Variants in SRPX observed in about 807,000 individuals in gnomAD.
The protein encoded by SRPX is sushi repeat-containing protein SRPX.
In SRPX, 24 loss-of-function variants were observed where a neutral mutation model predicts 38.1. That is an observed-to-expected ratio of 0.63 (90% CI 0.46 to 0.89). The LOEUF is 0.89. SRPX is among the 40% of genes least tolerant of loss of function. SRPX has a pLI of 0.00. For synonymous variants in SRPX, 184 were observed against 153.8 expected (o/e 1.20, Z -1.45); for missense variants, 416 against 377.8 (o/e 1.10, Z -0.84).
intron 9 of SRPX, among the ~76,000 whole-genome samples, chrX:38,154,219 A>G (rs1938082222): frequency 2.2e-5 from 2 of 92,937 alleles, no homozygotes; most frequent in African/African-American, 5.3e-5. Flanking sequence ...ACACATACAC[A>G]CACATGAAGC....
At chrX:38,213,777 G>A (rs1354042105) in intron 1 of SRPX, among the ~76,000 whole-genome samples, 13 of 112,155 alleles carry the variant, frequency 1.2e-4, no homozygotes, top group Non-Finnish European at 1.1e-4. Flanking sequence ...GGCAGAAGGC[G>A]AAGGAGAAGC....
At chrX:38,172,212 G>C (rs1257174014) in intron 3 of SRPX, among the ~76,000 whole-genome samples, 155 bp from the exon 4 acceptor site, 1 of 112,277 alleles carries the variant, frequency 8.9e-6, no homozygotes, top group African/African-American at 3.2e-5. Flanking sequence ...CCAGCACTTT[G>C]GGAGGTCGAG....
At chrX:38,167,257 C>A (rs770465073) in intron 4 of SRPX, among the ~76,000 whole-genome samples, 17 of 111,631 alleles carry the variant, frequency 1.5e-4, no homozygotes, top group Non-Finnish European at 3.0e-4. Context: ...TTTAATAAAC[C>A]AAACCCTTTT....
At chrX:38,218,570 A>G (rs1939456163) in intron 1 of SRPX, among the ~76,000 whole-genome samples, 1 of 112,500 alleles carries the variant, frequency 8.9e-6, no homozygotes, top group South Asian at 3.7e-4. Flanking sequence ...ACGTGCAGAT[A>G]GTTACATAAT....
intron 5 of SRPX, among the ~76,000 whole-genome samples, 175 bp downstream of exon 5, chrX:38,164,594 A>G (rs1938328391): frequency 8.9e-6 from 1 of 112,506 alleles, no homozygotes; most frequent in Non-Finnish European, 1.9e-5. Context: ...ACATATTATA[A>G]TAGAGACAGG....
In SRPX at chrX:38,202,090, G is replaced by A. The variant is rs545096889; in HGVS notation, c.97+18606C>T. On this transcript the variant is annotated intron_variant, in intron 1 of 9. Coordinates refer to ENST00000378533, the MANE Select transcript of SRPX (RefSeq NM_006307.5). ...TATAACCCTGTGGTGACAGTGGGCAGGAGTGACAGCAGTGGCGACTACAGC... is the reference window on the plus strand; with the variant it reads ...TATAACCCTGTGGTGACAGTGGGCAAGAGTGACAGCAGTGGCGACTACAGC... Among the ~76,000 whole-genome samples, 6 of 112,189 alleles carry A rather than the reference G, an allele frequency of 5.3e-5. No homozygotes were observed. The South Asian group carries it at 1.9e-3, about 35-fold the overall frequency.
intron 1 of SRPX, among the ~76,000 whole-genome samples, chrX:38,202,255 T>A (rs997459515): frequency 8.9e-6 from 1 of 111,744 alleles, no homozygotes; most frequent in African/African-American, 3.3e-5. Context: ...TCAATAAACT[T>A]TTTTTTTCAA....
Position 38,185,900 on chromosome X carries a change from G to T in SRPX, c.98-7556C>A, listed in dbSNP as rs895961289. Among the ~76,000 whole-genome samples, 24 of 97,633 alleles carry T rather than the reference G, an allele frequency of 2.5e-4. 1 individual carries two copies. Among genetic ancestry groups the T allele is most frequent in the South Asian group, 5.0e-4 (1 of 1,987 alleles). The allele number at this position is 97,633 out of a possible 115,157, so 84.8% of individuals were successfully genotyped here. A position where few individuals can be genotyped will look rare whatever the true frequency, so the allele number is the denominator to read the frequency against. Reference sequence around the variant, plus strand: ...CTATTTTTCTAAAAAAAAAAAAAAGGGGGGGGGGAGTGAGTATATTTTGCA... The same window carrying T: ...CTATTTTTCTAAAAAAAAAAAAAAGTGGGGGGGGAGTGAGTATATTTTGCA... On this transcript the variant is annotated intron_variant, in intron 1 of 9. Transcript: ENST00000378533.
chrX:38,197,891 A>T (rs1939026105), intron 1 of SRPX, among the ~76,000 whole-genome samples: 1 of 111,961 alleles, frequency 8.9e-6, no homozygotes, highest in South Asian at 3.7e-4. Context: ...AGTGTGAGGC[A>T]GGGTATTCTA....
chrX:38,174,005 A>G (rs1938524553), intron 3 of SRPX, among the ~76,000 whole-genome samples, 155 bp downstream of exon 3: 1 of 111,879 alleles, frequency 8.9e-6, no homozygotes, highest in African/African-American at 3.2e-5. Context: ...AGAGGAGCCA[A>G]CTCACTTCCA....
intron 2 of SRPX, among the ~76,000 whole-genome samples, chrX:38,177,969 T>C (rs1229911918): frequency 8.9e-6 from 1 of 112,124 alleles, no homozygotes; most frequent in Non-Finnish European, 1.9e-5. Flanking sequence ...ATTCTGGCTG[T>C]AATGTATGAA....
At chrX:38,211,870 T>C (rs758262192) in intron 1 of SRPX, among the ~76,000 whole-genome samples, 14 of 111,225 alleles carry the variant, frequency 1.3e-4, no homozygotes, top group Admixed American at 2.9e-4. Flanking sequence ...AGGGGCTGTG[T>C]GTTTTCCTGA....
intron 4 of SRPX, among the ~76,000 whole-genome samples, chrX:38,169,987 G>C (rs1785100447): frequency 8.9e-6 from 1 of 112,246 alleles, no homozygotes; most frequent in African/African-American, 3.2e-5. Context: ...TTACCCTCCT[G>C]CAATTTGCAG....
At chrX:38,185,002 A>G (rs1057334127) in intron 1 of SRPX, among the ~76,000 whole-genome samples, 2 of 112,292 alleles carry the variant, frequency 1.8e-5, no homozygotes, top group African/African-American at 6.5e-5. Flanking sequence ...ATTTAAATTT[A>G]CATTTAAATA....
In SRPX at chrX:38,171,932, C is replaced by G; in HGVS notation, c.475G>C (p.Val159Leu). ...CAGGCCTTGTTGTCCATACATGTGACGGTCCGCTCCCCTTTCAACGTGTAT... is the reference window on the plus strand; with the variant it reads ...CAGGCCTTGTTGTCCATACATGTGAGGGTCCGCTCCCCTTTCAACGTGTAT... ...PGYTLKGERT[V>L]TCMDNKAWSG... The change falls in exon 4 of 10, where the codon GTC (valine) becomes CTC (leucine). Residue 159 changes from valine (V) to leucine (L), a missense_variant. Physicochemically the swap from Val to Leu is conservative, Grantham distance 32. Transcript: ENST00000378533. The G allele has an allele frequency of 8.3e-7, 1 of 1,211,591 alleles. No homozygotes were observed. The highest frequency in any genetic ancestry group is 1.1e-6 in the Non-Finnish European group (1 of 895,464).
At chrX:38,179,023 C>T (rs957971270) in intron 1 of SRPX, among the ~76,000 whole-genome samples, 35 of 106,733 alleles carry the variant, frequency 3.3e-4, no homozygotes, top group African/African-American at 6.9e-4. Flanking sequence ...TTTGGCTCAC[C>T]GCAACCTCCG....
At chrX:38,188,744 C>T (rs141142292) in intron 1 of SRPX, among the ~76,000 whole-genome samples, 1,537 of 111,425 alleles carry the variant, frequency 0.014, 36 homozygotes, top group African/African-American at 0.048. Context: ...ACATGGTTAC[C>T]ATCTAACATT....
intron 2 of SRPX, among the ~76,000 whole-genome samples, chrX:38,176,117 A>G (rs1045839499): frequency 4.5e-5 from 5 of 111,607 alleles, no homozygotes; most frequent in African/African-American, 1.6e-4. Flanking sequence ...ATAACAATAT[A>G]CTGTAATGAA....
At chrX:38,206,573 T>C (rs770371518) in intron 1 of SRPX, among the ~76,000 whole-genome samples, 12 of 111,723 alleles carry the variant, frequency 1.1e-4, no homozygotes, top group African/African-American at 3.6e-4. Flanking sequence ...GAAACCAAAA[T>C]CCTGGGTTAA....
Sources: gnomAD v4.1 joint callset for allele counts (sites outside exome capture counted in the v4.1 genomes callset) on GRCh38, gnomAD v4.1.1 for gene constraint, MANE v1.5 for transcripts, NCBI Gene and HGNC (gene_info 2026-07-23, HGNC 2026-07-21) for gene names.